Variants in ZNF827 observed in about 807,000 individuals in gnomAD.
ZNF827 encodes the protein zinc finger protein 827.
In ZNF827, 13 loss-of-function variants were observed where a neutral mutation model predicts 102.4. That is an observed-to-expected ratio of 0.13 (90% confidence interval 0.08 to 0.20). The LOEUF is 0.20. ZNF827 is among the 10% of genes least tolerant of loss of function. The pLI is 1.00. For synonymous variants in ZNF827, 523 were observed against 536.2 expected (o/e 0.98, Z 0.34); for missense variants, 1,103 against 1,344.4 (o/e 0.82, Z 2.81).
chr4:145,805,780 T>G (rs1297067434), intron 8 of ZNF827, among the ~76,000 whole-genome samples: 2 of 152,112 alleles, frequency 1.3e-5, no homozygotes, highest in African/African-American at 4.8e-5. Flanking sequence ...CCCTTCCTGC[T>G]GTCACTTCCG....
At chr4:145,913,171 A>G (rs563789594) in intron 1 of ZNF827, among the ~76,000 whole-genome samples, 8 of 152,268 alleles carry the variant, frequency 5.3e-5, no homozygotes, top group Non-Finnish European at 2.9e-5. Flanking sequence ...CACACCTATA[A>G]TCCCAGCACT....
At chr4:145,850,832 C>G (rs1341604999) in intron 5 of ZNF827, among the ~76,000 whole-genome samples, 3 of 152,076 alleles carry the variant, frequency 2.0e-5, no homozygotes, top group Non-Finnish European at 2.9e-5. Flanking sequence ...TTGTGGTCCC[C>G]CAAAAGAAAC....
intron 8 of ZNF827, among the ~76,000 whole-genome samples, chr4:145,798,695 A>AT (rs896006110): frequency 1.5e-4 from 23 of 152,278 alleles, no homozygotes; most frequent in African/African-American, 5.5e-4. Context: ...AATAATAATA[A>AT]TTTTTAAAAA....
intron 8 of ZNF827, among the ~76,000 whole-genome samples, chr4:145,793,765 T>C (rs2127072334): frequency 6.6e-6 from 1 of 152,296 alleles, no homozygotes; most frequent in Non-Finnish European, 1.5e-5. Context: ...CCTCTAACTT[T>C]GATGTTAAAA....
intron 8 of ZNF827, among the ~76,000 whole-genome samples, chr4:145,790,120 G>A (rs1394258208): frequency 2.6e-5 from 4 of 152,182 alleles, no homozygotes. Context: ...GCATTCAAGT[G>A]CAGAGTTACC....
chr4:145,923,225 A>G (rs933204800), intron 1 of ZNF827, among the ~76,000 whole-genome samples: 1 of 152,206 alleles, frequency 6.6e-6, no homozygotes, highest in Non-Finnish European at 1.5e-5. Context: ...TGTAATATCA[A>G]TGAATATTCA....
intron 3 of ZNF827, among the ~76,000 whole-genome samples, chr4:145,890,683 T>C (rs61406400): frequency 0.028 from 4,252 of 152,296 alleles, 186 homozygotes; most frequent in African/African-American, 0.096. Context: ...GGCATTTCTT[T>C]TGAAGTCTCA....
rs1282700438 is a variant in ZNF827 at position 145,938,801 on chromosome 4, T to G, written c.-394A>C. Among the ~76,000 whole-genome samples, 1 of 151,856 alleles carries G rather than the reference T, an allele frequency of 6.6e-6. No homozygotes were observed. Among genetic ancestry groups the G allele is most frequent in the Non-Finnish European group, 1.5e-5 (1 of 67,960 alleles). ...GGTGTCTATGGCCGCGCTCTGTGTCTCCGAGCCCCTAACACTAATGTCGGG... is the reference window on the plus strand; with the variant it reads ...GGTGTCTATGGCCGCGCTCTGTGTCGCCGAGCCCCTAACACTAATGTCGGG... On this transcript the variant is annotated 5_prime_UTR_variant, in exon 1 of 15. Transcript: ENST00000508784.
chr4:145,932,695 C>T (rs5016394), intron 1 of ZNF827, among the ~76,000 whole-genome samples: 66,905 of 151,924 alleles, frequency 0.44, 17,416 homozygotes, highest in African/African-American at 0.72. Flanking sequence ...AGGATGGTCT[C>T]GATCTCCTGA....
intron 7 of ZNF827, among the ~76,000 whole-genome samples, chr4:145,837,026 G>C (rs1446863600): frequency 8.5e-5 from 13 of 152,312 alleles, no homozygotes; most frequent in African/African-American, 3.1e-4. Flanking sequence ...AGTCTAGGTA[G>C]ATACTTTCAC....
Position 145,925,334 on chromosome 4 carries a change from C to T in ZNF827, c.43+13031G>A, listed in dbSNP as rs1291869892. On this transcript the variant is annotated intron_variant, in intron 1 of 14. Coordinates refer to ENST00000508784, the MANE Select transcript of ZNF827 (RefSeq NM_001306215.2). Reference sequence around the variant, plus strand: ...TCTCCTCTCTGCTCAGGATCTAAGTCCATCACTTCCTTGAGGATGCTTTAT... The same window carrying T: ...TCTCCTCTCTGCTCAGGATCTAAGTTCATCACTTCCTTGAGGATGCTTTAT... 5.3e-5 allele frequency among the ~76,000 whole-genome samples: 8 copies of T among 152,264 alleles called. No homozygotes were observed. The South Asian group carries it at 8.3e-4, about 16-fold the overall frequency.
rs193134604 is a variant in ZNF827, at chr4:145,813,279, G to A, written c.2383+10143C>T. On this transcript the variant is annotated intron_variant, in intron 8 of 14. Coordinates refer to ENST00000508784, the MANE Select transcript of ZNF827 (RefSeq NM_001306215.2). ...ACATTTCATCATCTCACATCAGCAC[G>A]GGAAGAGTGAGTATAGTGCAAGAAG... 3.0e-4 allele frequency among the ~76,000 whole-genome samples: 45 copies of A among 152,216 alleles called. No homozygotes were observed. In the East Asian group the frequency reaches 5.2e-3, roughly 18 times the overall value.
intron 1 of ZNF827, among the ~76,000 whole-genome samples, chr4:145,922,109 G>T (rs952913564): frequency 1.3e-5 from 2 of 152,128 alleles, no homozygotes; most frequent in African/African-American, 4.8e-5. Context: ...CCATCTTCAG[G>T]ATTCTTTGCC....
At chr4:145,928,897 A>G (rs1753617669) in intron 1 of ZNF827, among the ~76,000 whole-genome samples, 1 of 152,194 alleles carries the variant, frequency 6.6e-6, no homozygotes, top group East Asian at 1.9e-4. Flanking sequence ...GAACTGTGGC[A>G]GACTGACGAG....
At chr4:145,771,044 C>T (rs1736205995) in intron 11 of ZNF827, 1 of 152,192 alleles carries the variant, frequency 6.6e-6, no homozygotes, top group Non-Finnish European at 1.5e-5. Flanking sequence ...AAGTGGTTAG[C>T]TTTTATTTCC....
intron 8 of ZNF827, among the ~76,000 whole-genome samples, chr4:145,789,982 T>C (rs1392153737): frequency 6.6e-6 from 1 of 152,212 alleles, no homozygotes; most frequent in Non-Finnish European, 1.5e-5. Context: ...CTGCTGCATA[T>C]GAAAAATCTG....
At chr4:145,826,079 A>G (rs966893350) in intron 7 of ZNF827, among the ~76,000 whole-genome samples, 1 of 152,196 alleles carries the variant, frequency 6.6e-6, no homozygotes, top group African/African-American at 2.4e-5. Flanking sequence ...CAGACCAAAC[A>G]CACAGCTGCC....
rs375791607 is a variant in ZNF827 at position 145,779,414 on chromosome 4, G to A, written c.2481C>T (p.Gly827=). The A allele has an allele frequency of 6.2e-7, 1 of 1,614,058 alleles. No homozygotes were observed. The highest frequency in any genetic ancestry group is 8.5e-7 in the Non-Finnish European group (1 of 1,179,934). The change falls in exon 9 of 15, where the codon GGC becomes GGT. Residue 827 remains glycine, a synonymous_variant. Coordinates refer to ENST00000508784, the MANE Select transcript of ZNF827 (RefSeq NM_001306215.2). ...FPCDVCGKVF[G]RQQTLSRHLS... Reference sequence around the variant, plus strand: ...GGTGTCGGGACAATGTCTGCTGTCGGCCAAACACTTTCCCACACACGTCAC... The same window carrying A: ...GGTGTCGGGACAATGTCTGCTGTCGACCAAACACTTTCCCACACACGTCAC...
At chr4:145,916,865 AAGCCCG>A (rs1277806197) in intron 1 of ZNF827, among the ~76,000 whole-genome samples, 4 of 152,160 alleles carry the variant, frequency 2.6e-5, no homozygotes, top group Non-Finnish European at 2.9e-5. Flanking sequence ...GCCTTCCTAA[AAGCCCG>A]AGGGTATGGA....
Sources: gnomAD v4.1 joint callset for allele counts (sites outside exome capture counted in the v4.1 genomes callset) on GRCh38, gnomAD v4.1.1 for gene constraint, MANE v1.5 for transcripts, NCBI Gene and HGNC (gene_info 2026-07-23, HGNC 2026-07-21) for gene names.